The following CNTN3 variants were observed in gnomAD, a reference collection of about 807,000 sequenced individuals.
CNTN3 encodes contactin 3, also known as contactin-3.
Under a neutral mutation model 119.1 loss-of-function variants are expected in CNTN3, and 60 were observed. The ratio of observed to expected loss-of-function variants is 0.50; its 90% CI spans 0.41 to 0.62. The LOEUF (loss-of-function observed/expected upper bound fraction) is 0.62. Ranked by LOEUF, CNTN3 falls within the 20% of genes least tolerant of loss-of-function variation. The probability of loss-of-function intolerance (pLI) is 0.00; values close to 1 mark genes in which losing one functional copy is unlikely to be tolerated. For missense variants in CNTN3, 1,101 were observed against 1,242.4 expected, an observed-to-expected ratio of 0.89 and a Z score of 1.71; for synonymous variants, 450 against 438.7, an observed-to-expected ratio of 1.03 and a Z score of -0.32.
At chr3:74,491,100 A>C (rs377526758) in intron 3 of CNTN3, among the ~76,000 whole-genome samples, 2 of 152,210 alleles carry the variant, frequency 1.3e-5, no homozygotes, top group Non-Finnish European at 2.9e-5. Flanking sequence ...AACAGATATT[A>C]ATATTTTATC....
intron 1 of CNTN3, among the ~76,000 whole-genome samples, chr3:74,576,939 G>A (rs1262880633): frequency 6.6e-6 from 1 of 152,060 alleles, no homozygotes; most frequent in East Asian, 1.9e-4. Flanking sequence ...AGTGTCTGTC[G>A]AATCTTAGTG....
At chr3:74,464,704 A>G (rs1385553337) in intron 4 of CNTN3, among the ~76,000 whole-genome samples, 5 of 152,026 alleles carry the variant, frequency 3.3e-5, no homozygotes, top group Non-Finnish European at 7.4e-5. Flanking sequence ...GCAGTTTTGC[A>G]CTCCTTCTCC....
At chr3:74,453,491 AG>A (rs1390622341) in intron 4 of CNTN3, among the ~76,000 whole-genome samples, 5 of 152,060 alleles carry the variant, frequency 3.3e-5, no homozygotes, top group Admixed American at 3.3e-4. Context: ...CATTTTTTGA[AG>A]GGTTTTTTGT....
chr3:74,375,971 T>C lies in CNTN3; in HGVS notation c.455-4572A>G, dbSNP rs530474102. 4.6e-5 allele frequency among the ~76,000 whole-genome samples: 7 copies of C among 151,626 alleles called. No individual in the cohort carries two copies. The East Asian group carries it at 1.4e-3, about 29-fold the overall frequency. ...AGGCCCACTGTAATCACCAGGGTCC[T>C]TAGAAGGGAAAGAGAGGGGCAGGAG... On this transcript the variant is annotated intron_variant, in intron 5 of 22. Coordinates refer to ENST00000263665, the MANE Select transcript of CNTN3 (RefSeq NM_020872.3).
intron 13 of CNTN3, among the ~76,000 whole-genome samples, chr3:74,311,860 G>C (rs1702692001): frequency 1.3e-5 from 2 of 152,194 alleles, no homozygotes; most frequent in African/African-American, 4.8e-5. Flanking sequence ...CAGACAGACA[G>C]GTGGATACAG....
rs1702484379 is a variant in CNTN3 at position 74,302,736 on chromosome 3, T to A, written c.1740A>T (p.Gln580His). ...CAGATGAAACACTGTCCACCCCCGTTTGCACCATACAAACATATTTCCCAC... is the reference window on the plus strand; with the variant it reads ...CAGATGAAACACTGTCCACCCCCGTATGCACCATACAAACATATTTCCCAC... Reference protein sequence around the residue: ...KHSGKYVCMVQTGVDSVSSAA... With the variant: ...KHSGKYVCMVHTGVDSVSSAA... The change falls in exon 14 of 23, where the codon CAA becomes CAT. Residue 580 changes from glutamine (Q) to histidine (H), a missense_variant. Coordinates refer to ENST00000263665, the MANE Select transcript of CNTN3 (RefSeq NM_020872.3). The A allele has an allele frequency of 1.2e-6, 2 of 1,613,400 alleles. No homozygotes were observed. Among genetic ancestry groups the A allele is most frequent in the African/African-American group, 2.7e-5 (2 of 74,908 alleles).
chr3:74,435,788 T>C (rs1055106061), intron 4 of CNTN3, among the ~76,000 whole-genome samples: 1 of 152,198 alleles, frequency 6.6e-6, no homozygotes, highest in Admixed American at 6.5e-5. Context: ...CAATAACTGA[T>C]AAAGCTGAGA....
At chr3:74,371,089 T>C in intron 6 of CNTN3, 107 bp downstream of exon 6, 4 of 756,168 alleles carry the variant, frequency 5.3e-6, no homozygotes, top group Non-Finnish European at 2.2e-6. Context: ...CCAAAAAACA[T>C]GAAGTGACAA....
intron 1 of CNTN3, among the ~76,000 whole-genome samples, chr3:74,582,401 G>A (rs1344465434): frequency 5.1e-5 from 2 of 39,054 alleles, no homozygotes; most frequent in East Asian, 6.4e-4. Flanking sequence ...GCGAGACTCC[G>A]TCTAAAAAAA....
In CNTN3 at chr3:74,582,781, A is replaced by G. The variant is rs965977508; in HGVS notation, c.-81+31610T>C. Among the ~76,000 whole-genome samples, 466 of 97,374 alleles carry G rather than the reference A, an allele frequency of 4.8e-3. 4 individuals are homozygous for G. Among genetic ancestry groups the G allele is most frequent in the African/African-American group, 0.025 (440 of 17,900 alleles). 63.9% of individuals were successfully genotyped at this position (97,374 alleles called of 152,430 possible). A position where few individuals can be genotyped will look rare whatever the true frequency, so the allele number is the denominator to read the frequency against. Reference sequence around the variant, plus strand: ...ATACCCATCAAGTGCATGTGTATGCATTTGTGTGTGTGTGTGTGTGTGTGT... The same window carrying G: ...ATACCCATCAAGTGCATGTGTATGCGTTTGTGTGTGTGTGTGTGTGTGTGT... On this transcript the variant is annotated intron_variant, in intron 1 of 22. Coordinates refer to ENST00000263665, the MANE Select transcript of CNTN3 (RefSeq NM_020872.3).
At chr3:74,425,934 C>A (rs1398567624) in intron 4 of CNTN3, among the ~76,000 whole-genome samples, 4 of 151,886 alleles carry the variant, frequency 2.6e-5, no homozygotes, top group Non-Finnish European at 4.4e-5. Context: ...TTATTTATAG[C>A]GGCTAAAAAT....
At chr3:74,572,586 C>T (rs1466260074) in intron 1 of CNTN3, among the ~76,000 whole-genome samples, 1 of 152,152 alleles carries the variant, frequency 6.6e-6, no homozygotes, top group African/African-American at 2.4e-5. Context: ...ATGTTCTGTG[C>T]ATATGTGTGT....
At chr3:74,467,082 T>C (rs1224700511) in intron 4 of CNTN3, among the ~76,000 whole-genome samples, 1 of 152,134 alleles carries the variant, frequency 6.6e-6, no homozygotes, top group Non-Finnish European at 1.5e-5. Flanking sequence ...ATAGCAAATA[T>C]AATTTTTTTC....
intron 20 of CNTN3, among the ~76,000 whole-genome samples, chr3:74,282,504 T>A (rs893658117): frequency 6.6e-6 from 1 of 152,200 alleles, no homozygotes; most frequent in Non-Finnish European, 1.5e-5. Context: ...TCCTATGTGC[T>A]GGGTTTGTGC....
intron 18 of CNTN3, 81 bp downstream of exon 18, chr3:74,297,876 C>CA (rs1356405018): frequency 9.3e-6 from 10 of 1,071,232 alleles, no homozygotes; most frequent in Non-Finnish European, 1.4e-5. Flanking sequence ...TATTTGAAGT[C>CA]AAAACGAGAC....
At position 74,364,175 on chromosome 3, in the gene CNTN3, A is replaced by G. The variant is rs1184191415; in HGVS notation, c.1213+292T>C. Among the ~76,000 whole-genome samples, 5 of 152,112 alleles carry G rather than the reference A, an allele frequency of 3.3e-5. No individual in the cohort carries two copies. In the South Asian group the frequency reaches 1.0e-3, roughly 31 times the overall value. Reference sequence around the variant, plus strand: ...CACCAAAATCACTTATTCTCCTAAAAGGCTTTGCTTAGTTGGTAATATTGG... The same window carrying G: ...CACCAAAATCACTTATTCTCCTAAAGGGCTTTGCTTAGTTGGTAATATTGG... On this transcript the variant is annotated intron_variant, in intron 10 of 22. Coordinates refer to ENST00000263665, the MANE Select transcript of CNTN3 (RefSeq NM_020872.3).
intron 2 of CNTN3, among the ~76,000 whole-genome samples, chr3:74,504,128 CAAT>C (rs1183345536): frequency 6.6e-6 from 1 of 152,100 alleles, no homozygotes; most frequent in Non-Finnish European, 1.5e-5. Flanking sequence ...TCCTAAAAGA[CAAT>C]GATGGTATCT....
chr3:74,351,841 C>T (rs1378061453), intron 11 of CNTN3, among the ~76,000 whole-genome samples: 1 of 152,174 alleles, frequency 6.6e-6, no homozygotes, highest in African/African-American at 2.4e-5. Flanking sequence ...TGATTATCTT[C>T]ACTCTTAAAT....
intron 4 of CNTN3, among the ~76,000 whole-genome samples, chr3:74,464,138 A>G (rs949487056): frequency 1.3e-5 from 2 of 152,138 alleles, no homozygotes; most frequent in Non-Finnish European, 2.9e-5. Context: ...CCCTCCTACA[A>G]TCTGTGTTAC....
Sources: allele counts gnomAD v4.1 joint callset (sites outside exome capture counted in the v4.1 genomes callset), GRCh38; gene constraint gnomAD v4.1.1; transcripts MANE v1.5; gene names NCBI Gene and HGNC (gene_info 2026-07-23, HGNC 2026-07-21).